The following CEP112 variants were observed in gnomAD, a reference collection of about 807,000 sequenced individuals.
The protein encoded by CEP112 is centrosomal protein 112.
CEP112 carries 127 observed loss-of-function variants against 153.0 expected under a neutral mutation model. The observed-to-expected ratio is 0.83, with a 90% CI of 0.72 to 0.96. The LOEUF is 0.96. Among genes scored for constraint, CEP112 ranks in the 40% least tolerant of loss-of-function variants. The probability of loss-of-function intolerance (pLI) is 0.00; values close to 1 mark genes in which losing one functional copy is unlikely to be tolerated. For missense variants in CEP112, 1,089 were observed against 1,101.2 expected, an observed-to-expected ratio of 0.99 and a Z score of 0.16; for synonymous variants, 358 against 374.4, an observed-to-expected ratio of 0.96 and a Z score of 0.51.
At chr17:65,679,773 A>G (rs2047422812) in intron 24 of CEP112, among the ~76,000 whole-genome samples, 1 of 152,144 alleles carries the variant, frequency 6.6e-6, no homozygotes, top group South Asian at 2.1e-4. Flanking sequence ...AAGTTTATTG[A>G]TTTTGGTTCT....
chr17:65,667,447 C>T (rs1464663237), intron 24 of CEP112, among the ~76,000 whole-genome samples: 1 of 151,958 alleles, frequency 6.6e-6, no homozygotes, highest in Non-Finnish European at 1.5e-5. Flanking sequence ...ATAGGATTGA[C>T]TAAAACTGTG....
At chr17:65,755,982 A>C (rs1306779084) in intron 21 of CEP112, among the ~76,000 whole-genome samples, 2 of 152,208 alleles carry the variant, frequency 1.3e-5, no homozygotes, top group Non-Finnish European at 2.9e-5. Flanking sequence ...CAAGATATCC[A>C]GTGTATATAC....
At chr17:65,961,704 T>C in intron 17 of CEP112, 106 bp from the exon 18 acceptor site, 2 of 1,093,226 alleles carry the variant, frequency 1.8e-6, no homozygotes, top group Non-Finnish European at 2.5e-6. Flanking sequence ...TTTTAATTTT[T>C]TTGATCCAAA....
chr17:65,737,370 G>A (rs1478524881), intron 23 of CEP112, among the ~76,000 whole-genome samples: 1 of 152,128 alleles, frequency 6.6e-6, no homozygotes, highest in Non-Finnish European at 1.5e-5. Context: ...TCAAAATTCT[G>A]AGAATTTTCA....
chr17:65,639,081 C>T lies in CEP112; in HGVS notation c.2799+1883G>A, dbSNP rs558993981. Among the ~76,000 whole-genome samples the T allele has an allele frequency of 2.4e-3, 365 of 152,184 alleles. 4 individuals carry two copies. Among genetic ancestry groups the T allele is most frequent in the African/African-American group, 8.2e-3 (340 of 41,506 alleles). ...CTCCTCCACTACTTATTTTTATATGCAGGCGTGAACAAAATTTCATAGCCC... is the reference window on the plus strand; with the variant it reads ...CTCCTCCACTACTTATTTTTATATGTAGGCGTGAACAAAATTTCATAGCCC... On this transcript the variant is annotated intron_variant, in intron 25 of 26. Transcript: ENST00000535342.
intron 17 of CEP112, among the ~76,000 whole-genome samples, chr17:65,962,559 A>G (rs1899581): frequency 0.48 from 73,048 of 152,062 alleles, 18,539 homozygotes; most frequent in East Asian, 0.89. Context: ...TTAACTTTGA[A>G]TTCTAACTAG....
chr17:66,063,607 C>A (rs949863466), intron 10 of CEP112, among the ~76,000 whole-genome samples: 2 of 152,188 alleles, frequency 1.3e-5, no homozygotes, highest in Non-Finnish European at 2.9e-5. Flanking sequence ...TACAATGAAT[C>A]CATGTAACCA....
At chr17:65,647,671 T>C (rs1440089324) in intron 24 of CEP112, among the ~76,000 whole-genome samples, 1 of 149,682 alleles carries the variant, frequency 6.7e-6, no homozygotes, top group East Asian at 2.0e-4. Context: ...CCCATATGGA[T>C]AGTTTCTCAC....
chr17:66,065,165 T>C (rs1304936081), intron 10 of CEP112, among the ~76,000 whole-genome samples: 2 of 152,224 alleles, frequency 1.3e-5, no homozygotes, highest in Admixed American at 6.5e-5. Flanking sequence ...CCATTCTAAC[T>C]ACTCCCAGCG....
At chr17:65,827,411 A>T (rs2056885017) in intron 21 of CEP112, among the ~76,000 whole-genome samples, 1 of 152,204 alleles carries the variant, frequency 6.6e-6, no homozygotes, top group South Asian at 2.1e-4. Flanking sequence ...TCCATCAGAA[A>T]ATCATATTTA....
chr17:65,997,797 C>A (rs201305352), intron 17 of CEP112, among the ~76,000 whole-genome samples: 1 of 141,252 alleles, frequency 7.1e-6, no homozygotes, highest in African/African-American at 2.6e-5. Context: ...ACATCCCCCC[C>A]CCCACACACA....
intron 21 of CEP112, among the ~76,000 whole-genome samples, chr17:65,832,986 C>T (rs919068579): frequency 6.6e-6 from 1 of 152,138 alleles, no homozygotes; most frequent in Non-Finnish European, 1.5e-5. Flanking sequence ...AATCCAGCAG[C>T]ACATCAAAAA....
intron 23 of CEP112, among the ~76,000 whole-genome samples, chr17:65,731,352 C>T (rs762148011): frequency 1.5e-4 from 23 of 152,270 alleles, no homozygotes; most frequent in African/African-American, 4.6e-4. Context: ...ATTACGTGTG[C>T]GATAGCATTA....
Position 66,034,976 on chromosome 17 carries a change from G to GTGTGTGTGTGTGTGTGTGTGTGTATA in CEP112, c.1219-4954_1219-4953insTATACACACACACACACACACACACA, listed in dbSNP as rs1255011364. On this transcript the variant is annotated intron_variant, in intron 12 of 26. Coordinates refer to ENST00000535342, the MANE Select transcript of CEP112 (RefSeq NM_001199165.4). Reference sequence around the variant, plus strand: ...ACCATGCCCAGCTAAGTTTTTGCATGTATATATATATATATACATATATAT... The same window carrying GTGTGTGTGTGTGTGTGTGTGTGTATA: ...ACCATGCCCAGCTAAGTTTTTGCATGTGTGTGTGTGTGTGTGTGTGTGTATATATATATATATATATACATATATAT... Among the ~76,000 whole-genome samples the GTGTGTGTGTGTGTGTGTGTGTGTATA allele has an allele frequency of 6.0e-4, 8 of 13,438 alleles. 1 individual carries two copies. The highest frequency in any genetic ancestry group is 8.2e-4 in the Non-Finnish European group (5 of 6,070). 8.8% of individuals were successfully genotyped at this position (13,438 alleles called of 152,430 possible). A position where few individuals can be genotyped will look rare whatever the true frequency, so the allele number is the denominator to read the frequency against.
intron 11 of CEP112, among the ~76,000 whole-genome samples, chr17:66,054,466 T>C (rs2066590729): frequency 6.6e-6 from 1 of 152,222 alleles, no homozygotes; most frequent in South Asian, 2.1e-4. Context: ...GAGGTCTTTA[T>C]TTATAAAAAT....
intron 19 of CEP112, 76 bp from the exon 20 acceptor site, chr17:65,902,410 T>C: frequency 8.2e-7 from 1 of 1,218,636 alleles, no homozygotes; most frequent in Non-Finnish European, 1.1e-6. Flanking sequence ...CAGCTTAATT[T>C]TTCTCTAATT....
chr17:66,020,273 T>C (rs2064949974), intron 16 of CEP112, among the ~76,000 whole-genome samples: 1 of 152,240 alleles, frequency 6.6e-6, no homozygotes, highest in Non-Finnish European at 1.5e-5. Context: ...GTCCATTTCA[T>C]ATGAAATATA....
intron 16 of CEP112, among the ~76,000 whole-genome samples, chr17:66,022,823 A>T (rs953704444): frequency 2.0e-5 from 3 of 152,040 alleles, no homozygotes; most frequent in Non-Finnish European, 4.4e-5. Flanking sequence ...TCACAAAATC[A>T]ATTCAGGATA....
At chr17:66,091,867 T>C (rs1369654643) in intron 8 of CEP112, among the ~76,000 whole-genome samples, 4 of 151,986 alleles carry the variant, frequency 2.6e-5, no homozygotes, top group South Asian at 2.1e-4. Flanking sequence ...GCCACAGATA[T>C]ACAAAGGATC....
Sources: allele counts gnomAD v4.1 joint callset (sites outside exome capture counted in the v4.1 genomes callset), GRCh38; gene constraint gnomAD v4.1.1; transcripts MANE v1.5; gene names NCBI Gene and HGNC (gene_info 2026-07-23, HGNC 2026-07-21).